ROBO1: variants seen among roughly 807,000 people sequenced by gnomAD.
The protein encoded by ROBO1 is roundabout guidance receptor 1, also known as roundabout homolog 1.
In ROBO1, 149 loss-of-function variants were observed where a neutral mutation model predicts 195.9. The observed-to-expected ratio is 0.76, with a 90% CI of 0.67 to 0.87. ROBO1 has a LOEUF of 0.87. Ranked by LOEUF, ROBO1 falls within the 40% of genes least tolerant of loss-of-function variation. The probability of loss-of-function intolerance (pLI) is 0.00; values close to 1 mark genes in which losing one functional copy is unlikely to be tolerated. For synonymous variants in ROBO1, 816 were observed against 733.2 expected (o/e 1.11, Z -1.82); for missense variants, 1,933 against 2,068.3 (o/e 0.93, Z 1.27).
rs555631071 is a variant in ROBO1, at chr3:79,667,690, T to G, written c.-50-77729A>C. Among the ~76,000 whole-genome samples, 5 of 151,962 alleles carry G rather than the reference T, an allele frequency of 3.3e-5. No individual in the cohort carries two copies. In the East Asian group the frequency reaches 7.8e-4, roughly 24 times the overall value. ...ATTAAAGGATGTGGATATAAAGATA[T>G]CAGAGATTTTTTCAGTGATGTCTTG... is the stretch of plus-strand genomic sequence containing the variant. On this transcript the variant is annotated intron_variant, in intron 1 of 30. Transcript: ENST00000464233.
At chr3:79,613,684 C>A (rs1944733561) in intron 1 of ROBO1, among the ~76,000 whole-genome samples, 1 of 152,022 alleles carries the variant, frequency 6.6e-6, no homozygotes, top group Non-Finnish European at 1.5e-5. Flanking sequence ...TACTGGCCAA[C>A]TGTTTTAGAT....
At chr3:79,349,407 C>A (rs1274354444) in intron 2 of ROBO1, among the ~76,000 whole-genome samples, 1 of 152,110 alleles carries the variant, frequency 6.6e-6, no homozygotes, top group South Asian at 2.1e-4. Flanking sequence ...AGATTCAACC[C>A]AATCCCTATC....
chr3:79,017,339 C>G (rs770824261), intron 3 of ROBO1, among the ~76,000 whole-genome samples: 1 of 152,030 alleles, frequency 6.6e-6, no homozygotes, highest in Non-Finnish European at 1.5e-5. Flanking sequence ...AAAGCTCAAA[C>G]TAACCTTTAA....
At chr3:79,738,244 T>A (rs1363913099) in intron 1 of ROBO1, among the ~76,000 whole-genome samples, 2 of 152,128 alleles carry the variant, frequency 1.3e-5, no homozygotes, top group Non-Finnish European at 2.9e-5. Flanking sequence ...GAGAAACAGT[T>A]TACTGAGATT....
chr3:79,371,604 T>A (rs2036196215), intron 2 of ROBO1, among the ~76,000 whole-genome samples: 1 of 151,368 alleles, frequency 6.6e-6, no homozygotes, highest in African/African-American at 2.4e-5. Flanking sequence ...CAAAAAAAAA[T>A]GGTTCTTGAA....
intron 4 of ROBO1, among the ~76,000 whole-genome samples, chr3:78,788,900 T>C (rs1178483059): frequency 6.6e-6 from 1 of 152,196 alleles, no homozygotes; most frequent in African/African-American, 2.4e-5. Context: ...AGAGTTAGAT[T>C]GCACACTAAA....
chr3:79,274,314 A>G (rs1048426369), intron 2 of ROBO1, among the ~76,000 whole-genome samples: 5 of 151,968 alleles, frequency 3.3e-5, no homozygotes, highest in Non-Finnish European at 5.9e-5. Context: ...TCTGACCACA[A>G]TGGAATAAAA....
chr3:79,478,401 CA>C (rs1553750150), intron 2 of ROBO1, among the ~76,000 whole-genome samples: 1 of 148,440 alleles, frequency 6.7e-6, no homozygotes, highest in Non-Finnish European at 1.5e-5. Context: ...CCCCACCCCC[CA>C]AAAAAAAGAC....
chr3:79,661,516 T>C (rs1946327255), intron 1 of ROBO1, among the ~76,000 whole-genome samples: 1 of 152,062 alleles, frequency 6.6e-6, no homozygotes, highest in Non-Finnish European at 1.5e-5. Context: ...TTCTTTTCTT[T>C]CTTTTCCCCA....
chr3:78,864,115 C>T lies in ROBO1; in HGVS notation c.499+74486G>A, dbSNP rs1236695054. 2.6e-5 allele frequency among the ~76,000 whole-genome samples: 4 copies of T among 152,284 alleles called. No individual in the cohort carries two copies. In the East Asian group the frequency reaches 5.8e-4, roughly 22 times the overall value. ...TCAGGAGGAATATGTTAACTTATTA[C>T]TTTCCAAACCACACTAATCAATCCT... is the stretch of plus-strand genomic sequence containing the variant. On this transcript the variant is annotated intron_variant, in intron 4 of 30. Coordinates refer to ENST00000464233, the MANE Select transcript of ROBO1 (RefSeq NM_002941.4).
intron 26 of ROBO1, among the ~76,000 whole-genome samples, chr3:78,618,431 A>G (rs994853340): frequency 1.3e-5 from 2 of 152,250 alleles, no homozygotes; most frequent in African/African-American, 2.4e-5. Context: ...GACAACTGAC[A>G]TTCATCCTGA....
At chr3:79,744,705 C>A (rs1249839054) in intron 1 of ROBO1, among the ~76,000 whole-genome samples, 1 of 152,066 alleles carries the variant, frequency 6.6e-6, no homozygotes, top group Non-Finnish European at 1.5e-5. Flanking sequence ...GCCAAGGTGA[C>A]TAAGATACCT....
intron 28 of ROBO1, among the ~76,000 whole-genome samples, chr3:78,613,127 T>C (rs181110509): frequency 6.6e-6 from 1 of 152,310 alleles, no homozygotes; most frequent in East Asian, 1.9e-4. Flanking sequence ...TTGGCATGCT[T>C]ACATTATTTA....
chr3:79,471,890 A>C (rs1051381192), intron 2 of ROBO1, among the ~76,000 whole-genome samples: 1 of 151,456 alleles, frequency 6.6e-6, no homozygotes, highest in African/African-American at 2.4e-5. Flanking sequence ...AACAGTGAGA[A>C]CATATGGACA....
chr3:79,357,230 G>A (rs149667808), intron 2 of ROBO1, among the ~76,000 whole-genome samples: 1 of 152,084 alleles, frequency 6.6e-6, no homozygotes, highest in Admixed American at 6.5e-5. Flanking sequence ...AGTCATGAGG[G>A]CACATGCCTG....
rs1305673231 is a variant in ROBO1 at position 79,281,528 on chromosome 3, T to C, written c.89-155989A>G. 3.3e-5 allele frequency among the ~76,000 whole-genome samples: 5 copies of C among 152,154 alleles called. No homozygotes were observed. In the South Asian group the frequency reaches 1.0e-3, roughly 32 times the overall value. On this transcript the variant is annotated intron_variant, in intron 2 of 30. Transcript: ENST00000464233. Reference sequence around the variant, plus strand: ...TGAAAAGAATAAACATTCTATAGAATGTTTATAGAAGTTTGTATTGTAATA... The same window carrying C: ...TGAAAAGAATAAACATTCTATAGAACGTTTATAGAAGTTTGTATTGTAATA...
intron 4 of ROBO1, among the ~76,000 whole-genome samples, chr3:78,885,970 A>T (rs1345918215): frequency 1.4e-5 from 2 of 140,070 alleles, no homozygotes; most frequent in East Asian, 2.1e-4. Context: ...TAAGTAATTA[A>T]AGATTCATTT....
intron 2 of ROBO1, among the ~76,000 whole-genome samples, chr3:79,379,390 A>T (rs1179036542): frequency 6.6e-6 from 1 of 152,084 alleles, no homozygotes; most frequent in Non-Finnish European, 1.5e-5. Context: ...GATTAAATGT[A>T]ATTCTCAGTT....
At chr3:78,895,832 T>A (rs1033415442) in intron 4 of ROBO1, among the ~76,000 whole-genome samples, 13 of 152,252 alleles carry the variant, frequency 8.5e-5, no homozygotes, top group Non-Finnish European at 1.8e-4. Context: ...ACATTTGATG[T>A]ATTTCAGATG....
Sources: allele counts gnomAD v4.1 joint callset (sites outside exome capture counted in the v4.1 genomes callset), GRCh38; gene constraint gnomAD v4.1.1; transcripts MANE v1.5; gene names NCBI Gene and HGNC (gene_info 2026-07-23, HGNC 2026-07-21).